Variants in ARNT observed in about 807,000 individuals in gnomAD.
ARNT encodes aryl hydrocarbon receptor nuclear translocator.
Under a neutral mutation model 105.0 loss-of-function variants are expected in ARNT, and 30 were observed. That is an observed-to-expected ratio of 0.29 (90% CI 0.21 to 0.39). The LOEUF (loss-of-function observed/expected upper bound fraction) is 0.39, where lower values mean the gene tolerates loss of function less well. ARNT is among the 10% of genes least tolerant of loss of function. The probability of loss-of-function intolerance (pLI) is 1.00; values close to 1 mark genes in which losing one functional copy is unlikely to be tolerated. For missense variants in ARNT, 748 were observed against 978.7 expected, an observed-to-expected ratio of 0.76 and a Z score of 3.15; for synonymous variants, 304 against 344.0, an observed-to-expected ratio of 0.88 and a Z score of 1.29.
At chr1:150,853,609 T>C (rs760611662) in intron 2 of ARNT, among the ~76,000 whole-genome samples, 1 of 152,202 alleles carries the variant, frequency 6.6e-6, no homozygotes, top group South Asian at 2.1e-4. Flanking sequence ...AAACATGTAA[T>C]ATATACTTCA....
intron 11 of ARNT, 71 bp from the exon 12 acceptor site, chr1:150,829,298 G>T: frequency 6.7e-7 from 1 of 1,489,456 alleles, no homozygotes; most frequent in Non-Finnish European, 9.2e-7. Context: ...ATCTCCTCAT[G>T]GTCTTTTGCA....
At chr1:150,831,735 G>T in intron 10 of ARNT, 83 bp downstream of exon 10, 1 of 852,164 alleles carries the variant, frequency 1.2e-6, no homozygotes, top group Non-Finnish European at 1.9e-6. Context: ...CATATACCAG[G>T]TATATAATAA....
rs1158585770 is a variant in ARNT, at chr1:150,873,128, CA to C, written c.25+3414del. Among the ~76,000 whole-genome samples, 147 of 144,852 alleles carry C rather than the reference CA, an allele frequency of 1.0e-3. No homozygotes were observed. In the Middle Eastern group the frequency reaches 0.011, roughly 11 times the overall value. ...TGAAACCCTGTCTCTACTAAAAATA[CA>C]AAAAAAAAAATTAGCCGGGCGTGGT... On this transcript the variant is annotated intron_variant, in intron 1 of 21. Coordinates refer to ENST00000358595, the MANE Select transcript of ARNT (RefSeq NM_001668.4).
intron 1 of ARNT, 61 bp from the exon 2 acceptor site, chr1:150,858,521 T>C (rs1286357141): frequency 4.6e-6 from 6 of 1,307,268 alleles, no homozygotes; most frequent in Non-Finnish European, 6.5e-6. Context: ...ATCATCAGTA[T>C]CATCAAGTTA....
intron 6 of ARNT, 49 bp downstream of exon 6, chr1:150,839,392 G>A (rs985699016): frequency 5.7e-6 from 9 of 1,586,232 alleles, no homozygotes; most frequent in South Asian, 5.6e-5. Flanking sequence ...AAACTTTCAA[G>A]AGATTCACCC....
intron 7 of ARNT, among the ~76,000 whole-genome samples, chr1:150,835,795 G>C (rs1236301878): frequency 1.4e-5 from 2 of 147,492 alleles, no homozygotes; most frequent in African/African-American, 5.0e-5. Context: ...ATAAAATAGG[G>C]GAGAAAAAAA....
intron 6 of ARNT, among the ~76,000 whole-genome samples, chr1:150,836,932 G>A (rs1270184943): frequency 6.6e-6 from 1 of 152,060 alleles, no homozygotes; most frequent in Non-Finnish European, 1.5e-5. Flanking sequence ...CAGGTGTGGT[G>A]GCACACGCCT....
At chr1:150,867,222 C>CAACA (rs1553228824) in intron 1 of ARNT, among the ~76,000 whole-genome samples, 6 of 149,778 alleles carry the variant, frequency 4.0e-5, no homozygotes, top group Non-Finnish European at 8.9e-5. Flanking sequence ...ACAACAACAA[C>CAACA]AAAAAAAAAC....
At chr1:150,844,555 A>G (rs1455369089) in intron 4 of ARNT, among the ~76,000 whole-genome samples, 3 of 152,230 alleles carry the variant, frequency 2.0e-5, no homozygotes, top group Non-Finnish European at 4.4e-5. Context: ...ACGAACAAAT[A>G]CTAAGTGCTA....
At chr1:150,874,018 TAAAA>T (rs58707975) in intron 1 of ARNT, among the ~76,000 whole-genome samples, 7 of 64,420 alleles carry the variant, frequency 1.1e-4, no homozygotes, top group South Asian at 6.3e-4. Context: ...ACAAGAATTG[TAAAA>T]AAAAAAAAAA....
chr1:150,821,804 A>G (rs1657134261), intron 14 of ARNT, among the ~76,000 whole-genome samples: 1 of 146,950 alleles, frequency 6.8e-6, no homozygotes, highest in Admixed American at 6.9e-5. Flanking sequence ...GTGTGCCACC[A>G]TGCCCAGCTA....
Position 150,810,632 on chromosome 1 carries a change from T to TAAA in ARNT, c.*1386_*1388dup, listed in dbSNP as rs71645814. 4 of 162,842 alleles carry TAAA rather than the reference T, an allele frequency of 2.5e-5. No individual in the cohort carries two copies. The highest frequency in any genetic ancestry group is 3.7e-5 in the Non-Finnish European group (3 of 80,014). 10.1% of individuals were successfully genotyped at this position (162,842 alleles called of 1,614,324 possible). The stretch of plus-strand genomic sequence containing the variant: ...CTTTAGCTACTGGCCAAAGCCAATT[T>TAAA]AAAAAAAAAAAAAAAAAAGCTGGTA... On this transcript the variant is annotated 3_prime_UTR_variant, in exon 22 of 22. Transcript: ENST00000358595.
intron 1 of ARNT, among the ~76,000 whole-genome samples, chr1:150,859,470 C>G (rs890632421): frequency 4.6e-5 from 7 of 151,804 alleles, no homozygotes. Flanking sequence ...TCTCAGCTTC[C>G]TAAGTAGCTG....
intron 10 of ARNT, chr1:150,831,601 A>T (rs1232727566): frequency 1.9e-6 from 1 of 522,608 alleles, no homozygotes; most frequent in East Asian, 3.5e-5. Context: ...GACACAGCCA[A>T]TACTGAATCA....
chr1:150,823,598 T>A (rs1657559637), intron 13 of ARNT, among the ~76,000 whole-genome samples: 1 of 150,886 alleles, frequency 6.6e-6, no homozygotes, highest in African/African-American at 2.4e-5. Context: ...TCGCCCAGGC[T>A]GGAGTGCAGT....
At chr1:150,871,907 CA>C (rs776523588) in intron 1 of ARNT, among the ~76,000 whole-genome samples, 937 of 40,022 alleles carry the variant, frequency 0.023, 3 homozygotes, top group East Asian at 0.15. Flanking sequence ...GACCCTGTCT[CA>C]AAAAAAAAAA....
chr1:150,842,944 G>A (rs1009511102), intron 4 of ARNT, among the ~76,000 whole-genome samples: 2 of 152,066 alleles, frequency 1.3e-5, no homozygotes, highest in Admixed American at 6.6e-5. Flanking sequence ...AGAAATTAAA[G>A]ACAGAGTACA....
intron 6 of ARNT, 43 bp from the exon 7 acceptor site, chr1:150,836,536 A>G (rs1267593911): frequency 1.9e-6 from 3 of 1,574,916 alleles, no homozygotes; most frequent in African/African-American, 1.4e-5. Flanking sequence ...TTACTCTGAA[A>G]AAACAAGTAT....
chr1:150,834,673 C>T, intron 7 of ARNT, 33 bp from the exon 8 acceptor site: 1 of 1,591,988 alleles, frequency 6.3e-7, no homozygotes, highest in Non-Finnish European at 8.6e-7. Context: ...GTCTGGAGTG[C>T]ATTTTTGTGT....
Sources: gnomAD v4.1 joint callset for allele counts (sites outside exome capture counted in the v4.1 genomes callset) on GRCh38, gnomAD v4.1.1 for gene constraint, MANE v1.5 for transcripts, NCBI Gene and HGNC (gene_info 2026-07-23, HGNC 2026-07-21) for gene names.